The following ASCC1 variants were observed in gnomAD, a reference collection of about 807,000 sequenced individuals.
ASCC1 encodes the protein ASC-1 complex subunit P50.
Under a neutral mutation model 46.6 loss-of-function variants are expected in ASCC1, and 35 were observed. The ratio of observed to expected loss-of-function variants is 0.75; its 90% confidence interval spans 0.57 to 0.99. ASCC1 has a LOEUF of 0.99. Among genes scored for constraint, ASCC1 ranks in the 50% least tolerant of loss-of-function variants. The pLI, the probability that ASCC1 is intolerant of heterozygous loss-of-function variation, is 0.00. For synonymous variants in ASCC1, 143 were observed against 146.6 expected, an observed-to-expected ratio of 0.98 and a Z score of 0.18; for missense variants, 376 against 428.7, an observed-to-expected ratio of 0.88 and a Z score of 1.09.
At chr10:72,179,112 T>TTTG (rs1284786713) in intron 5 of ASCC1, among the ~76,000 whole-genome samples, 29 of 151,992 alleles carry the variant, frequency 1.9e-4, no homozygotes, top group Admixed American at 6.6e-4. Flanking sequence ...GCTGCTTGTT[T>TTTG]TTGTTGTTGT....
Position 72,196,997 on chromosome 10 carries a change from C to G in ASCC1, c.311-8G>C, listed in dbSNP as rs1855533744. On this transcript the variant is annotated splice_region_variant and splice_polypyrimidine_tract_variant and intron_variant, in intron 4 of 9. Transcript: ENST00000672957. ...GATGCTGGCCAGTGATTACTGTAAA[C>G]AAAGAAGAAAGGGTAAACTGCTCAA... 6.2e-7 allele frequency: 1 copy of G among 1,613,302 alleles called. No individual in the cohort carries two copies. The highest frequency in any genetic ancestry group is 1.3e-5 in the African/African-American group (1 of 74,886).
intron 3 of ASCC1, among the ~76,000 whole-genome samples, chr10:72,205,347 A>G (rs527644082): frequency 5.3e-5 from 8 of 152,236 alleles, no homozygotes; most frequent in Admixed American, 4.6e-4. Flanking sequence ...AGGTGGCTCA[A>G]TGCCGGGTGC....
intron 6 of ASCC1, among the ~76,000 whole-genome samples, chr10:72,159,611 C>T (rs1031517858): frequency 3.3e-5 from 5 of 152,092 alleles, no homozygotes; most frequent in Non-Finnish European, 5.9e-5. Context: ...GGTAAAACTG[C>T]CCTGCTTTGT....
Position 72,146,930 on chromosome 10 carries a change from C to T in ASCC1, c.746+5939G>A, listed in dbSNP as rs1847700441. On this transcript the variant is annotated intron_variant, in intron 7 of 9. Coordinates refer to ENST00000672957, the MANE Select transcript of ASCC1 (RefSeq NM_001198800.3). ...GTTCTTGTATTGAGCTGTCTTTTCACATAAAGAAAAAGATTGAATGGTCCT... is the reference window on the plus strand; with the variant it reads ...GTTCTTGTATTGAGCTGTCTTTTCATATAAAGAAAAAGATTGAATGGTCCT... 2.0e-5 allele frequency among the ~76,000 whole-genome samples: 3 copies of T among 151,900 alleles called. No individual in the cohort carries two copies. The South Asian group carries it at 6.3e-4, about 32-fold the overall frequency.
At chr10:72,121,319 A>AT (rs891153362) in intron 9 of ASCC1, among the ~76,000 whole-genome samples, 1 of 151,606 alleles carries the variant, frequency 6.6e-6, no homozygotes, top group Non-Finnish European at 1.5e-5. Flanking sequence ...AATTTTTTTA[A>AT]TTTTTTGTAG....
chr10:72,131,873 A>AT (rs914278355), intron 8 of ASCC1, among the ~76,000 whole-genome samples: 2,070 of 114,912 alleles, frequency 0.018, 29 homozygotes, highest in Middle Eastern at 0.058. Flanking sequence ...CTCTAGATAG[A>AT]TTTTTTTTTT....
rs1483084712 is a variant in ASCC1 at position 72,210,750 on chromosome 10, G to A, written c.194C>T (p.Ala65Val). The change falls in exon 3 of 10, where the codon GCC (alanine) becomes GTC (valine). Residue 65 changes from alanine to valine, a missense_variant. Physicochemically the swap from Ala to Val is moderately conservative, Grantham distance 64. Transcript: ENST00000672957. ...GACTCACTTATAGAGCAAGCTGGGG[G>A]CCCTCAAAGTAGACCGGAATCCTTG... Reference protein sequence around the residue: ...TPQGFRSTLRAPSLLYKHIVG... With the variant: ...TPQGFRSTLRVPSLLYKHIVG... 6.2e-7 allele frequency: 1 copy of A among 1,613,894 alleles called. No individual in the cohort carries two copies. The highest frequency in any genetic ancestry group is 2.2e-5 in the East Asian group (1 of 44,888).
rs530640156 is a variant in ASCC1 at position 72,104,288 on chromosome 10, C to A, written c.958-6838G>T. Among the ~76,000 whole-genome samples, 54 of 152,288 alleles carry A rather than the reference C, an allele frequency of 3.5e-4. 2 individuals carry two copies. Among genetic ancestry groups the A allele is most frequent in the Non-Finnish European group, 8.8e-5 (6 of 68,026 alleles). On this transcript the variant is annotated intron_variant, in intron 9 of 9. Coordinates refer to ENST00000672957, the MANE Select transcript of ASCC1 (RefSeq NM_001198800.3). ...TGAAATGAACATGTTCTTTCACTTG[C>A]TGTTCCTATATTCACTGCCACTGCT...
At chr10:72,112,878 C>CAAAAAA (rs60754683) in intron 9 of ASCC1, among the ~76,000 whole-genome samples, 1 of 82,850 alleles carries the variant, frequency 1.2e-5, no homozygotes, top group African/African-American at 4.9e-5. Flanking sequence ...ACTCTGCCTC[C>CAAAAAA]AAAAAAAAAA....
chr10:72,152,183 T>G (rs558965945), intron 7 of ASCC1, among the ~76,000 whole-genome samples: 85 of 150,774 alleles, frequency 5.6e-4, no homozygotes, highest in African/African-American at 1.3e-3. Context: ...TTTTTTTTTT[T>G]TTGTTTTTTG....
chr10:72,171,813 A>G (rs1851123345), intron 5 of ASCC1, among the ~76,000 whole-genome samples: 1 of 152,246 alleles, frequency 6.6e-6, no homozygotes, highest in Non-Finnish European at 1.5e-5. Flanking sequence ...TTTTGGGATT[A>G]TGATGTGAAT....
intron 6 of ASCC1, among the ~76,000 whole-genome samples, chr10:72,160,986 G>A (rs1849616483): frequency 6.6e-6 from 1 of 151,922 alleles, no homozygotes; most frequent in South Asian, 2.1e-4. Context: ...AGGAGGCTGA[G>A]GCAGGAGAAT....
In ASCC1 at chr10:72,158,457, C is replaced by T. The variant is rs552631773; in HGVS notation, c.626+3081G>A. 3.3e-5 allele frequency among the ~76,000 whole-genome samples: 5 copies of T among 152,298 alleles called. No individual in the cohort carries two copies. The South Asian group carries it at 8.3e-4, about 25-fold the overall frequency. ...GAGCCAGTGCACGGTCTGTGTCCTA[C>T]ATCTCACAAAGGAAAGTCACCAGGG... On this transcript the variant is annotated intron_variant, in intron 6 of 9. Transcript: ENST00000672957.
chr10:72,161,888 T>C (rs1849739395), intron 5 of ASCC1, among the ~76,000 whole-genome samples: 3 of 152,126 alleles, frequency 2.0e-5, no homozygotes, highest in Non-Finnish European at 4.4e-5. Context: ...TACTACCTCC[T>C]ACCATATAAA....
chr10:72,210,809 C>T lies in ASCC1; in HGVS notation c.135G>A (p.Glu45=), dbSNP rs779407205. 1.9e-6 allele frequency: 3 copies of T among 1,613,982 alleles called. No homozygotes were observed. The highest frequency in any genetic ancestry group is 2.2e-5 in the South Asian group (2 of 91,068). ...FYQGSMECAD[E]PCDAYEVEQT... Reference sequence around the variant, plus strand: ...GCTCCACCTCGTAGGCATCACAGGGCTCATCAGCACACTCCATGGAGCCTG... The same window carrying T: ...GCTCCACCTCGTAGGCATCACAGGGTTCATCAGCACACTCCATGGAGCCTG... Residue 45 remains glutamate (E), a synonymous_variant, in exon 3 of 10, where the codon GAG becomes GAA. Transcript: ENST00000672957.
intron 6 of ASCC1, among the ~76,000 whole-genome samples, chr10:72,154,013 G>A (rs74145592): frequency 0.033 from 5,019 of 152,196 alleles, 229 homozygotes; most frequent in African/African-American, 0.097. Context: ...GAGCCACTGC[G>A]CTCAGCCTGA....
chr10:72,108,076 CTTTTTT>C (rs375287948), intron 9 of ASCC1, among the ~76,000 whole-genome samples: 40 of 128,366 alleles, frequency 3.1e-4, no homozygotes, highest in Admixed American at 9.5e-4. Flanking sequence ...TTTTCTTTTT[CTTTTTT>C]TTTTTTTTTT....
chr10:72,168,778 T>C (rs1055350113), intron 5 of ASCC1, among the ~76,000 whole-genome samples: 2 of 152,048 alleles, frequency 1.3e-5, no homozygotes, highest in Non-Finnish European at 1.5e-5. Context: ...AGAGAAACAG[T>C]CGCATGAGGA....
intron 9 of ASCC1, among the ~76,000 whole-genome samples, chr10:72,108,388 A>C (rs1842591046): frequency 6.6e-6 from 1 of 152,142 alleles, no homozygotes. Flanking sequence ...TACACTCCTA[A>C]GTTGGAAAGG....
Sources: gnomAD v4.1 joint callset for allele counts (sites outside exome capture counted in the v4.1 genomes callset) on GRCh38, gnomAD v4.1.1 for gene constraint, MANE v1.5 for transcripts, NCBI Gene and HGNC (gene_info 2026-07-23, HGNC 2026-07-21) for gene names.